Variants in PIK3R6 observed in about 807,000 individuals in gnomAD.
PIK3R6 encodes phosphoinositide 3-kinase regulatory subunit 6.
Under a neutral mutation model 84.9 loss-of-function variants are expected in PIK3R6, and 91 were observed. The ratio of observed to expected loss-of-function variants is 1.07; its 90% CI spans 0.90 to 1.28. PIK3R6 has a LOEUF of 1.28. Among genes scored for constraint, PIK3R6 ranks in the 50% most tolerant of loss-of-function variants. The probability of loss-of-function intolerance (pLI) is 0.00; values close to 1 mark genes in which losing one functional copy is unlikely to be tolerated. For synonymous variants in PIK3R6, 416 were observed against 411.4 expected (o/e 1.01, Z -0.13); for missense variants, 996 against 985.1 (o/e 1.01, Z -0.15).
rs139591001 is a variant in PIK3R6, at chr17:8,844,192, C to G, written c.14-4495G>C. The stretch of plus-strand genomic sequence containing the variant: ...TCTTCACCAGAGCACGAGAATGTCC[C>G]TCAAGGCAGGCTCTATCTCCCTCTG... On this transcript the variant is annotated intron_variant, in intron 2 of 19. Coordinates refer to ENST00000619866, the MANE Select transcript of PIK3R6 (RefSeq NM_001010855.4). This position sits in a 1 kb window ranked among gnomAD's most constrained non-coding sequence, Gnocchi z 4.5. Among the ~76,000 whole-genome samples the G allele has an allele frequency of 2.2e-3, 330 of 152,326 alleles. 2 individuals carry two copies. The highest frequency in any genetic ancestry group is 7.6e-3 in the African/African-American group (317 of 41,566).
At position 8,803,395 on chromosome 17, in the gene PIK3R6, C is replaced by T; in HGVS notation, c.2143G>A (p.Gly715Arg). ...CACGGTGCCTTGGACTTCTGGGCCC[C>T]AGAACATGGTTCTGGGCAGGGAGCA... ...EVAPCPEPCSGAQKSKAPWLN... is the reference protein window; with the variant it reads ...EVAPCPEPCSRAQKSKAPWLN... The change falls in exon 20 of 20, where the codon GGG becomes AGG. Residue 715 changes from glycine (G) to arginine (R), a missense_variant. By Grantham distance (125) the Gly-to-Arg change is moderately radical (BLOSUM62 -2). Transcript: ENST00000619866. This position sits in a 1 kb window ranked among gnomAD's most constrained non-coding sequence, Gnocchi z 5.0. 1 of 1,612,814 alleles carries T rather than the reference C, an allele frequency of 6.2e-7. No homozygotes were observed. Among genetic ancestry groups the T allele is most frequent in the South Asian group, 1.1e-5 (1 of 90,910 alleles).
chr17:8,837,777 C>T (rs551206094), intron 5 of PIK3R6, 26 bp downstream of exon 5: 3 of 1,597,610 alleles, frequency 1.9e-6, no homozygotes, highest in Admixed American at 3.3e-5. Flanking sequence ...TCACCACTAC[C>T]ACCTCGACCT....
intron 12 of PIK3R6, 21 bp downstream of exon 12, chr17:8,828,091 G>A (rs776631238): frequency 1.2e-6 from 2 of 1,612,104 alleles, no homozygotes; most frequent in Non-Finnish European, 1.7e-6. Flanking sequence ...CCCCGCCACC[G>A]CCTCCCCGCG....
intron 18 of PIK3R6, among the ~76,000 whole-genome samples, chr17:8,804,367 C>T (rs1382168596): frequency 6.6e-6 from 1 of 152,158 alleles, no homozygotes; most frequent in Non-Finnish European, 1.5e-5. Context: ...AGTTCTTTTC[C>T]CAGCCTGCCG....
intron 18 of PIK3R6, among the ~76,000 whole-genome samples, chr17:8,807,867 C>T (rs917158982): frequency 1.6e-4 from 24 of 152,136 alleles, no homozygotes; most frequent in East Asian, 5.8e-4. Flanking sequence ...AGAGTATTGC[C>T]GGGGAGACCA....
chr17:8,827,080 C>A, intron 13 of PIK3R6, 92 bp downstream of exon 13: 1 of 1,442,424 alleles, frequency 6.9e-7, no homozygotes. Context: ...CCATTTCACC[C>A]TCGCTGCCTA....
Position 8,835,437 on chromosome 17 carries a change from G to A in PIK3R6, c.481C>T (p.Pro161Ser). ...YQERVFLFVD[P>S]ELVSASVCSA... ...CACACAGACGCAGACACCAGCTCAG[G>A]ATCCACGAAGAGGAACACTCTGAGG... Residue 161 changes from proline (P) to serine (S), a missense_variant, in exon 8 of 20, where the codon CCT becomes TCT. Transcript: ENST00000619866. The A allele has an allele frequency of 6.4e-7, 1 of 1,572,614 alleles. No homozygotes were observed.
chr17:8,839,749 G>A lies in PIK3R6; in HGVS notation c.14-52C>T, dbSNP rs947202863. ...ACTCAGTCCACTGAACCTCACCCTC[G>A]TCCCACCTCCATTCCTTCCGAGAGT... On this transcript the variant is annotated intron_variant, in intron 2 of 19. Coordinates refer to ENST00000619866, the MANE Select transcript of PIK3R6 (RefSeq NM_001010855.4). This position sits in a 1 kb window ranked among gnomAD's most constrained non-coding sequence, Gnocchi z 4.2. 1.1e-5 allele frequency: 16 copies of A among 1,409,210 alleles called. No individual in the cohort carries two copies. Among genetic ancestry groups the A allele is most frequent in the East Asian group, 2.6e-5 (1 of 38,636 alleles). 87.3% of individuals were successfully genotyped at this position (1,409,210 alleles called of 1,614,324 possible). A position where few individuals can be genotyped will look rare whatever the true frequency, so the allele number is the denominator to read the frequency against.
intron 1 of PIK3R6, among the ~76,000 whole-genome samples, chr17:8,852,477 CACCTGTAA>C (rs1325449080): frequency 1.3e-5 from 2 of 152,124 alleles, no homozygotes; most frequent in Non-Finnish European, 2.9e-5. Context: ...CGGTGGCTCA[CACCTGTAA>C]TCCCAGCACT....
At chr17:8,841,266 C>A (rs536679347) in intron 2 of PIK3R6, among the ~76,000 whole-genome samples, 6 of 152,072 alleles carry the variant, frequency 3.9e-5, no homozygotes, top group Non-Finnish European at 7.4e-5. Context: ...CTTGACCAAA[C>A]CTTACTCAGC....
At chr17:8,834,748 C>G (rs1410502884) in intron 8 of PIK3R6, among the ~76,000 whole-genome samples, 1 of 152,082 alleles carries the variant, frequency 6.6e-6, no homozygotes, top group African/African-American at 2.4e-5. Flanking sequence ...GATGTAGTAG[C>G]TACTGTTGTG....
chr17:8,804,880 A>C (rs1433795247), intron 18 of PIK3R6, among the ~76,000 whole-genome samples: 1 of 152,232 alleles, frequency 6.6e-6, no homozygotes, highest in Non-Finnish European at 1.5e-5. Context: ...GCTGCCCATA[A>C]GAATCAATTT....
intron 12 of PIK3R6, among the ~76,000 whole-genome samples, chr17:8,827,557 T>A (rs2087965481): frequency 6.6e-6 from 1 of 152,108 alleles, no homozygotes. Context: ...TTGACCTTAC[T>A]GCTTCCCAAT....
chr17:8,854,855 C>T (rs375118084), intron 1 of PIK3R6, among the ~76,000 whole-genome samples: 9 of 152,280 alleles, frequency 5.9e-5, no homozygotes, highest in African/African-American at 2.2e-4. Flanking sequence ...AATTAGACTT[C>T]ATCAAAATTT....
At chr17:8,837,093 T>C (rs913337845) in intron 5 of PIK3R6, among the ~76,000 whole-genome samples, 170 bp from the exon 6 acceptor site, 2 of 152,034 alleles carry the variant, frequency 1.3e-5, no homozygotes, top group Non-Finnish European at 2.9e-5. Context: ...AACCCACACC[T>C]TCCAGCCTCT....
At chr17:8,829,295 T>TACAC (rs570481137) in intron 10 of PIK3R6, among the ~76,000 whole-genome samples, 2 of 96,564 alleles carry the variant, frequency 2.1e-5, no homozygotes, top group African/African-American at 4.5e-5. Context: ...GCATCATGCA[T>TACAC]ACACACACAC....
chr17:8,838,020 A>T, intron 4 of PIK3R6, 149 bp from the exon 5 acceptor site: 1 of 656,870 alleles, frequency 1.5e-6, no homozygotes. Context: ...TGGATAGAGG[A>T]GTGGGGAGGG....
chr17:8,828,479 G>A, intron 11 of PIK3R6, 88 bp downstream of exon 11: 1 of 1,487,396 alleles, frequency 6.7e-7, no homozygotes, highest in Admixed American at 2.0e-5. Context: ...ACCCTCTCTT[G>A]CCACCCTGTG....
rs557589653 is a variant in PIK3R6 at position 8,827,240 on chromosome 17, G to A, written c.1447C>T (p.Arg483Cys). 17 of 1,593,156 alleles carry A rather than the reference G, an allele frequency of 1.1e-5. No homozygotes were observed. The highest frequency in any genetic ancestry group is 8.8e-5 in the Admixed American group (5 of 56,944). The change falls in exon 13 of 20, where the codon CGC becomes TGC. Residue 483 changes from arginine to cysteine, a missense_variant. By Grantham distance (180) the Arg-to-Cys change is radical. Coordinates refer to ENST00000619866, the MANE Select transcript of PIK3R6 (RefSeq NM_001010855.4). Reference sequence around the variant, plus strand: ...TTGCTCTGGTACCACGGGTCTACGCGGCCCAGGAACGTAGCCAGCTCTCCC... The same window carrying A: ...TTGCTCTGGTACCACGGGTCTACGCAGCCCAGGAACGTAGCCAGCTCTCCC... ...ELGELATFLG[R>C]VDPWYQSNVN...
Sources: gnomAD v4.1 joint callset for allele counts (sites outside exome capture counted in the v4.1 genomes callset) on GRCh38, gnomAD v4.1.1 for gene constraint, Gnocchi (gnomAD v3.1) non-coding constraint, MANE v1.5 for transcripts, NCBI Gene and HGNC (gene_info 2026-07-23, HGNC 2026-07-21) for gene names.